The following PCSK6 variants were observed in gnomAD, a reference collection of about 807,000 sequenced individuals.
PCSK6 encodes proprotein convertase subtilisin/kexin type 6.
Under a neutral mutation model 123.3 loss-of-function variants are expected in PCSK6, and 85 were observed. The ratio of observed to expected loss-of-function variants is 0.69; its 90% CI spans 0.58 to 0.83. The LOEUF is 0.83. Ranked by LOEUF, PCSK6 falls within the 40% of genes least tolerant of loss-of-function variation. The pLI, the probability that PCSK6 is intolerant of heterozygous loss-of-function variation, is 0.00. For missense variants in PCSK6, 1,191 were observed against 1,282.3 expected (o/e 0.93, Z 1.09); for synonymous variants, 508 against 516.0 (o/e 0.98, Z 0.21).
At chr15:101,372,658 G>A (rs1567172432) in intron 11 of PCSK6, among the ~76,000 whole-genome samples, 1 of 152,142 alleles carries the variant, frequency 6.6e-6, no homozygotes, top group Non-Finnish European at 1.5e-5. Flanking sequence ...AATGTAAGGT[G>A]GGTACGTTAG....
At chr15:101,440,970 C>G (rs1483299825) in intron 2 of PCSK6, among the ~76,000 whole-genome samples, 2 of 152,142 alleles carry the variant, frequency 1.3e-5, no homozygotes, top group Non-Finnish European at 2.9e-5. Context: ...TGTGCTTTCC[C>G]TGGGGCTAAC....
chr15:101,396,677 G>C (rs2042421547), intron 7 of PCSK6, among the ~76,000 whole-genome samples: 1 of 152,054 alleles, frequency 6.6e-6, no homozygotes, highest in African/African-American at 2.4e-5. Context: ...TCATACCCGA[G>C]TGTGCCAGCA....
At chr15:101,415,112 G>T (rs190698884) in intron 6 of PCSK6, among the ~76,000 whole-genome samples, 1 of 152,242 alleles carries the variant, frequency 6.6e-6, no homozygotes, top group South Asian at 2.1e-4. Flanking sequence ...GCTATAAAAT[G>T]TGTACAGCGA....
rs528220445 is a variant in PCSK6, at chr15:101,326,746, G to A, written c.2078-267C>T. ...GGAGTGAAACATCCAGGGTGGGTAC[G>A]CCACCCGGAGCAGGGAGGAGATGGG... On this transcript the variant is annotated intron_variant, in intron 15 of 21. Coordinates refer to ENST00000611716, the MANE Select transcript of PCSK6 (RefSeq NM_002570.5). Among the ~76,000 whole-genome samples, 17 of 152,338 alleles carry A rather than the reference G, an allele frequency of 1.1e-4. No individual in the cohort carries two copies. The East Asian group carries it at 2.9e-3, about 26-fold the overall frequency.
chr15:101,472,630 A>T (rs527965579), intron 1 of PCSK6, among the ~76,000 whole-genome samples: 10 of 152,272 alleles, frequency 6.6e-5, no homozygotes, highest in African/African-American at 2.4e-4. Flanking sequence ...TTCAGGAGAG[A>T]CCAGGGAGGA....
At chr15:101,393,166 G>T in intron 8 of PCSK6, 46 bp downstream of exon 8, 2 of 1,401,576 alleles carry the variant, frequency 1.4e-6, no homozygotes, top group Non-Finnish European at 2.0e-6. Context: ...TTCCCAGAGG[G>T]CTGAGGCACT....
chr15:101,395,217 G>A (rs181567065), intron 7 of PCSK6, among the ~76,000 whole-genome samples: 64 of 152,278 alleles, frequency 4.2e-4, no homozygotes, highest in Non-Finnish European at 5.6e-4. Context: ...TGCTCCAGGA[G>A]CAGAGAATGG....
chr15:101,487,749 T>C (rs1191018092), intron 1 of PCSK6, among the ~76,000 whole-genome samples: 1 of 152,124 alleles, frequency 6.6e-6, no homozygotes, highest in Non-Finnish European at 1.5e-5. Context: ...TACGCAAACA[T>C]GAGGAACACC....
In PCSK6 at chr15:101,392,593, C is replaced by CTTTTTTTTT. The variant is rs10525638; in HGVS notation, c.1209+610_1209+618dup. On this transcript the variant is annotated intron_variant, in intron 8 of 21. Transcript: ENST00000611716. ...TTTGAACTGGAAACCCTCCCTTCCT[C>CTTTTTTTTT]TTTTTTTTTTTTTTTTTAAGTAGGA... is the stretch of plus-strand genomic sequence containing the variant. Among the ~76,000 whole-genome samples, 980 of 122,262 alleles carry CTTTTTTTTT rather than the reference C, an allele frequency of 8.0e-3. 31 individuals are homozygous for CTTTTTTTTT. The highest frequency in any genetic ancestry group is 0.016 in the Admixed American group (178 of 11,198). The allele number at this position is 122,262 out of a possible 152,430, so 80.2% of individuals were successfully genotyped here.
intron 15 of PCSK6, 37 bp from the exon 16 acceptor site, chr15:101,326,516 C>T (rs371851756): frequency 6.5e-5 from 99 of 1,528,090 alleles, no homozygotes; most frequent in African/African-American, 5.6e-4. Context: ...TCCAGAGAGA[C>T]GCCTTCTCCA....
rs3784468 is a variant in PCSK6 at position 101,398,082 on chromosome 15, A to G, written c.996+322T>C. 0.36 allele frequency among the ~76,000 whole-genome samples: 55,144 copies of G among 152,048 alleles called. 10,972 individuals carry two copies. Among genetic ancestry groups the G allele is most frequent in the East Asian group, 0.63 (3,227 of 5,158 alleles). Reference sequence around the variant, plus strand: ...AGTAACAGGCCAGGTGAGCTGCCTTAGACCCCCGTCACCCACCTGTGTACC... The same window carrying G: ...AGTAACAGGCCAGGTGAGCTGCCTTGGACCCCCGTCACCCACCTGTGTACC... On this transcript the variant is annotated intron_variant, in intron 7 of 21. Coordinates refer to ENST00000611716, the MANE Select transcript of PCSK6 (RefSeq NM_002570.5). The surrounding 1 kb of genome is among the most constrained non-coding windows in gnomAD (Gnocchi z 4.6).
rs570034828 is a variant in PCSK6 at position 101,383,300 on chromosome 15, G to A, written c.1414+1022C>T. ...CAGGCACCTGTAATCCCAGCTACTC[G>A]GGAGGGATTATTTGAAGGAAAATCG... On this transcript the variant is annotated intron_variant, in intron 10 of 21. Transcript: ENST00000611716. Among the ~76,000 whole-genome samples, 6 of 151,854 alleles carry A rather than the reference G, an allele frequency of 4.0e-5. No individual in the cohort carries two copies. In the East Asian group the frequency reaches 5.8e-4, roughly 15 times the overall value.
At chr15:101,382,287 G>A (rs572651380) in intron 10 of PCSK6, 78 bp from the exon 11 acceptor site, 75 of 1,156,298 alleles carry the variant, frequency 6.5e-5, no homozygotes, top group Admixed American at 2.9e-4. Context: ...TGCATCTGCC[G>A]GGCCCCATGG....
Position 101,375,637 on chromosome 15 carries a change from T to C in PCSK6, c.1533-5114A>G, listed in dbSNP as rs112126189. ...GCGGCACTTTGGTGTCATGTGTAGA[T>C]GTGTGCAGAGTGGTAACATAATGAG... On this transcript the variant is annotated intron_variant, in intron 11 of 21. Transcript: ENST00000611716. Among the ~76,000 whole-genome samples, 766 of 152,330 alleles carry C rather than the reference T, an allele frequency of 5.0e-3. 3 individuals carry two copies. The highest frequency in any genetic ancestry group is 0.014 in the Middle Eastern group (4 of 294).
chr15:101,320,593 C>T (rs1001053335), intron 18 of PCSK6, among the ~76,000 whole-genome samples: 1 of 152,184 alleles, frequency 6.6e-6, no homozygotes, highest in Non-Finnish European at 1.5e-5. Context: ...GCATAGATGG[C>T]GGACACCCAC....
intron 6 of PCSK6, among the ~76,000 whole-genome samples, chr15:101,412,959 G>C (rs1187170159): frequency 6.6e-6 from 1 of 150,890 alleles, no homozygotes; most frequent in Non-Finnish European, 1.5e-5. Context: ...CTGCACTCCA[G>C]CCTGAGCAAC....
intron 13 of PCSK6, among the ~76,000 whole-genome samples, chr15:101,337,985 T>C (rs149943362): frequency 9.0e-4 from 137 of 152,324 alleles, no homozygotes; most frequent in African/African-American, 2.9e-3. Flanking sequence ...TTTTTCCCAA[T>C]AGAGTCCCGA....
At chr15:101,388,787 A>G (rs1038755190) in intron 9 of PCSK6, among the ~76,000 whole-genome samples, 7 of 152,242 alleles carry the variant, frequency 4.6e-5, no homozygotes, top group African/African-American at 1.7e-4. Flanking sequence ...AAGTGAAATA[A>G]GCCAGGCACA....
chr15:101,380,341 G>A lies in PCSK6; in HGVS notation c.1532+1751C>T, dbSNP rs3784489. Reference sequence around the variant, plus strand: ...TCAGGAGCCGCCCTGACGGGGACACGAGCGGAGGCGCCGGGGCAGAGGGCA... The same window carrying A: ...TCAGGAGCCGCCCTGACGGGGACACAAGCGGAGGCGCCGGGGCAGAGGGCA... On this transcript the variant is annotated intron_variant, in intron 11 of 21. Transcript: ENST00000611716. Among the ~76,000 whole-genome samples the A allele has an allele frequency of 7.0e-3, 1,074 of 152,342 alleles. 23 individuals are homozygous for A. In the East Asian group the frequency reaches 0.076, roughly 11 times the overall value.
Sources: gnomAD v4.1 joint callset for allele counts (sites outside exome capture counted in the v4.1 genomes callset) on GRCh38, gnomAD v4.1.1 for gene constraint, Gnocchi (gnomAD v3.1) non-coding constraint, MANE v1.5 for transcripts, NCBI Gene and HGNC (gene_info 2026-07-23, HGNC 2026-07-21) for gene names.